Variants in WWOX observed in about 807,000 individuals in gnomAD.
WWOX encodes the protein WW domain-containing oxidoreductase.
WWOX carries 69 observed loss-of-function variants against 46.2 expected under a neutral mutation model. The ratio of observed to expected loss-of-function variants is 1.49; its 90% CI spans 1.23 to 1.82. WWOX has a LOEUF of 1.82. WWOX is among the 40% of genes most tolerant of loss of function. The probability of loss-of-function intolerance (pLI) is 0.00; values close to 1 mark genes in which losing one functional copy is unlikely to be tolerated. For synonymous variants in WWOX, 359 were observed against 202.6 expected, an observed-to-expected ratio of 1.77 and a Z score of -6.56; for missense variants, 919 against 542.6, an observed-to-expected ratio of 1.69 and a Z score of -6.89.
At position 79,096,899 on chromosome 16, in the gene WWOX, T is replaced by C. The variant is rs142089960; in HGVS notation, c.1057-114709T>C. Among the ~76,000 whole-genome samples, 9 of 151,764 alleles carry C rather than the reference T, an allele frequency of 5.9e-5. No homozygotes were observed. The East Asian group carries it at 1.6e-3, about 26-fold the overall frequency. On this transcript the variant is annotated intron_variant, in intron 8 of 8. Transcript: ENST00000566780. ...AGATCTCACTAGATTCTTTATACTC[T>C]GGGGAGAAGAAAGGATCAGGGTCGG...
chr16:78,578,283 TA>T (rs1396763259), intron 8 of WWOX, among the ~76,000 whole-genome samples: 11 of 53,116 alleles, frequency 2.1e-4, no homozygotes, highest in South Asian at 7.2e-4. Context: ...TATATATATA[TA>T]TTTTTTTTTT....
At chr16:78,800,744 C>A (rs551955911) in intron 8 of WWOX, among the ~76,000 whole-genome samples, 1 of 152,242 alleles carries the variant, frequency 6.6e-6, no homozygotes, top group East Asian at 1.9e-4. Flanking sequence ...ATCCCAAATG[C>A]ATTCTTAGCT....
chr16:78,939,442 G>C (rs570661764), intron 8 of WWOX, among the ~76,000 whole-genome samples: 1 of 152,264 alleles, frequency 6.6e-6, no homozygotes, highest in East Asian at 1.9e-4. Flanking sequence ...GCTCACCAGT[G>C]GCAAATATGT....
intron 8 of WWOX, among the ~76,000 whole-genome samples, chr16:78,447,048 C>T (rs1234723650): frequency 2.0e-5 from 3 of 152,130 alleles, no homozygotes; most frequent in Non-Finnish European, 1.5e-5. Flanking sequence ...ATTTATGCTT[C>T]TCTGTACTCT....
rs945886416 is a variant in WWOX at position 79,100,234 on chromosome 16, A to G, written c.1057-111374A>G. 2.0e-5 allele frequency among the ~76,000 whole-genome samples: 3 copies of G among 152,212 alleles called. No homozygotes were observed. In the South Asian group the frequency reaches 6.2e-4, roughly 32 times the overall value. On this transcript the variant is annotated intron_variant, in intron 8 of 8. Coordinates refer to ENST00000566780, the MANE Select transcript of WWOX (RefSeq NM_016373.4). ...TGGACCATCCCAGGGTAGATGTTAA[A>G]AAAAAGATACCCACCAAAGATAAAT...
chr16:78,792,241 C>G (rs370597326), intron 8 of WWOX, among the ~76,000 whole-genome samples: 56 of 152,304 alleles, frequency 3.7e-4, no homozygotes, highest in African/African-American at 1.3e-3. Context: ...GCTCATCTTT[C>G]TCACGAGTCT....
intron 8 of WWOX, among the ~76,000 whole-genome samples, chr16:79,117,434 A>C (rs980058809): frequency 1.3e-5 from 2 of 152,192 alleles, no homozygotes; most frequent in African/African-American, 4.8e-5. Context: ...TATTCCATTT[A>C]TAGAGCACAG....
chr16:78,763,534 A>T (rs2049846340), intron 8 of WWOX, among the ~76,000 whole-genome samples: 1 of 152,140 alleles, frequency 6.6e-6, no homozygotes, highest in African/African-American at 2.4e-5. Context: ...TAGAGTATGA[A>T]ACTCTGTTCC....
intron 8 of WWOX, among the ~76,000 whole-genome samples, chr16:78,752,120 A>G (rs549608145): frequency 2.0e-5 from 3 of 152,358 alleles, no homozygotes; most frequent in South Asian, 2.1e-4. Flanking sequence ...AGTTGTCTCA[A>G]TCCATAAAAG....
chr16:78,801,010 C>T (rs1015393446), intron 8 of WWOX, among the ~76,000 whole-genome samples: 1 of 151,640 alleles, frequency 6.6e-6, no homozygotes, highest in African/African-American at 2.4e-5. Flanking sequence ...TTATTTATTT[C>T]ATGCTCCACT....
At chr16:78,549,396 A>G (rs2044123504) in intron 8 of WWOX, among the ~76,000 whole-genome samples, 1 of 152,192 alleles carries the variant, frequency 6.6e-6, no homozygotes, top group Non-Finnish European at 1.5e-5. Flanking sequence ...TAGACAGAAT[A>G]TCACTTTTTT....
chr16:79,088,853 C>G (rs2048900903), intron 8 of WWOX, among the ~76,000 whole-genome samples: 1 of 152,196 alleles, frequency 6.6e-6, no homozygotes, highest in African/African-American at 2.4e-5. Context: ...TGCATTCTGA[C>G]CCTCATCCTT....
At chr16:78,826,059 A>G (rs2051646595) in intron 8 of WWOX, 1 of 416,370 alleles carries the variant, frequency 2.4e-6, no homozygotes. Context: ...TTGTAAAGAC[A>G]TTTAATAAAA....
rs574097257 is a variant in WWOX, at chr16:79,062,664, G to C, written c.1057-148944G>C. Among the ~76,000 whole-genome samples the C allele has an allele frequency of 2.1e-3, 326 of 152,156 alleles. 4 individuals are homozygous for C. The highest frequency in any genetic ancestry group is 2.1e-4 in the Non-Finnish European group (14 of 67,988). On this transcript the variant is annotated intron_variant, in intron 8 of 8. Coordinates refer to ENST00000566780, the MANE Select transcript of WWOX (RefSeq NM_016373.4). ...GGCTTTTCTGCAAACCTGAAAATAAGAAGTGACAGCTTCCTTTCCTATTTC... is the reference window on the plus strand; with the variant it reads ...GGCTTTTCTGCAAACCTGAAAATAACAAGTGACAGCTTCCTTTCCTATTTC...
At chr16:79,046,603 C>T (rs1597321502) in intron 8 of WWOX, among the ~76,000 whole-genome samples, 1 of 152,084 alleles carries the variant, frequency 6.6e-6, no homozygotes, top group African/African-American at 2.4e-5. Flanking sequence ...CCAGTTCCTC[C>T]CCAGTACACA....
At chr16:78,661,776 C>G (rs1040467786) in intron 8 of WWOX, among the ~76,000 whole-genome samples, 5 of 152,200 alleles carry the variant, frequency 3.3e-5, no homozygotes, top group Non-Finnish European at 7.3e-5. Flanking sequence ...ATGGCTGACG[C>G]CCGTAATCCC....
chr16:78,673,234 A>G (rs2047509337), intron 8 of WWOX, among the ~76,000 whole-genome samples: 1 of 151,874 alleles, frequency 6.6e-6, no homozygotes, highest in Admixed American at 6.5e-5. Context: ...CAGAGCATGT[A>G]ATTTCTTCTT....
chr16:78,332,224 C>A lies in WWOX; in HGVS notation c.517-54636C>A, dbSNP rs150715014. Among the ~76,000 whole-genome samples, 1,216 of 152,156 alleles carry A rather than the reference C, an allele frequency of 8.0e-3. 10 individuals are homozygous for A. Among genetic ancestry groups the A allele is most frequent in the Middle Eastern group, 0.031 (9 of 294 alleles). ...TTTTCCCAGAAAGACTGGAAACTTG[C>A]CTAAAGAGACAGAATCCCAGATCCC... On this transcript the variant is annotated intron_variant, in intron 5 of 8. Coordinates refer to ENST00000566780, the MANE Select transcript of WWOX (RefSeq NM_016373.4).
At chr16:78,984,915 C>T (rs2046754884) in intron 8 of WWOX, among the ~76,000 whole-genome samples, 1 of 151,918 alleles carries the variant, frequency 6.6e-6, no homozygotes, top group Non-Finnish European at 1.5e-5. Context: ...ATCGGCTCAT[C>T]AAGGTTCTGG....
Sources: gnomAD v4.1 joint callset for allele counts (sites outside exome capture counted in the v4.1 genomes callset) on GRCh38, gnomAD v4.1.1 for gene constraint, MANE v1.5 for transcripts, NCBI Gene and HGNC (gene_info 2026-07-23, HGNC 2026-07-21) for gene names.